The following AGO1 variants were observed in gnomAD, a reference collection of about 807,000 sequenced individuals.
The protein encoded by AGO1 is argonaute RISC component 1, also known as protein argonaute-1.
Under a neutral mutation model 109.2 loss-of-function variants are expected in AGO1, and 11 were observed. That is an observed-to-expected ratio of 0.10 (90% confidence interval 0.06 to 0.17). The LOEUF is 0.17. AGO1 is among the 10% of genes least tolerant of loss of function. AGO1 has a pLI of 1.00. For missense variants in AGO1, 574 were observed against 1,140.3 expected, an observed-to-expected ratio of 0.50 and a Z score of 7.15; for synonymous variants, 422 against 418.6, an observed-to-expected ratio of 1.01 and a Z score of -0.10.
rs1420464265 is a variant in AGO1 at position 35,929,966 on chromosome 1, G to A, written c.*10359G>A. 2 of 152,024 alleles carry A rather than the reference G, an allele frequency of 1.3e-5. No individual in the cohort carries two copies. Among genetic ancestry groups the A allele is most frequent in the African/African-American group, 4.8e-5 (2 of 41,382 alleles). The allele number at this position is 152,024 out of a possible 1,614,324, so 9.4% of individuals were successfully genotyped here. A position where few individuals can be genotyped will look rare whatever the true frequency, so the allele number is the denominator to read the frequency against. On this transcript the variant is annotated 3_prime_UTR_variant, in exon 19 of 19. Transcript: ENST00000373204. ...CCCACAGTGAGGGGAACTGAAGATA[G>A]GATATTCTTTCTCCTTTTCCTCTTT... is the stretch of plus-strand genomic sequence containing the variant.
At chr1:35,912,935 A>G (rs1032843619) in intron 12 of AGO1, among the ~76,000 whole-genome samples, 1 of 150,902 alleles carries the variant, frequency 6.6e-6, no homozygotes, top group African/African-American at 2.5e-5. Flanking sequence ...CTTTTCCCTT[A>G]CTCACACATG....
upstream of AGO1, among the ~76,000 whole-genome samples, chr1:35,878,836 A>G (rs1645012331): frequency 6.6e-6 from 1 of 151,768 alleles, no homozygotes; most frequent in Admixed American, 6.6e-5. Context: ...ATTTTTTTGA[A>G]TCCTTTTACT....
chr1:35,883,573 C>T lies in AGO1; in HGVS notation c.25+127C>T. Reference sequence around the variant, plus strand: ...GAAGGGCTCTCCCACGATGGGGGCCCAGTTTGAAGGAGGCTGTGTGCAGTT... The same window carrying T: ...GAAGGGCTCTCCCACGATGGGGGCCTAGTTTGAAGGAGGCTGTGTGCAGTT... On this transcript the variant is annotated intron_variant, in intron 1 of 18. Transcript: ENST00000373204. The surrounding 1 kb of genome is among the most constrained non-coding windows in gnomAD (Gnocchi z 5.4). 1.5e-6 allele frequency: 2 copies of T among 1,347,712 alleles called. No individual in the cohort carries two copies. Among genetic ancestry groups the T allele is most frequent in the Non-Finnish European group, 1.9e-6 (2 of 1,033,400 alleles). 83.5% of individuals were successfully genotyped at this position (1,347,712 alleles called of 1,614,324 possible).
intron 11 of AGO1, 97 bp from the exon 12 acceptor site, chr1:35,906,837 GT>G (rs1258866480): frequency 3.2e-6 from 3 of 932,090 alleles, no homozygotes; most frequent in East Asian, 2.7e-5. Flanking sequence ...CAATCTCTCA[GT>G]GCCTCTTATA....
At chr1:35,869,908 G>A (rs1332879767) in intron 1 of AGO1, 1 of 152,238 alleles carries the variant, frequency 6.6e-6, no homozygotes, top group Non-Finnish European at 1.5e-5. Flanking sequence ...ATTCAGGCAA[G>A]TAATTTAATC....
Position 35,919,264 on chromosome 1 carries a change from G to A in AGO1, c.2465+10G>A, listed in dbSNP as rs769164550. On this transcript the variant is annotated intron_variant, in intron 18 of 18. Coordinates refer to ENST00000373204, the MANE Select transcript of AGO1 (RefSeq NM_012199.5). The surrounding 1 kb of genome is among the most constrained non-coding windows in gnomAD (Gnocchi z 6.6). ...ACAAGGAGCATGACAGGTGAGGCCT[G>A]GGATCAGGTTGGCCTCCTTTTTGCT... 2 of 1,611,312 alleles carry A rather than the reference G, an allele frequency of 1.2e-6. No homozygotes were observed. Among genetic ancestry groups the A allele is most frequent in the African/African-American group, 2.7e-5 (2 of 74,890 alleles).
At position 35,920,625 on chromosome 1, in the gene AGO1, T is replaced by C. The variant is rs1034039916; in HGVS notation, c.*1018T>C. 6.6e-6 allele frequency: 1 copy of C among 152,606 alleles called. No homozygotes were observed. Among genetic ancestry groups the C allele is most frequent in the Non-Finnish European group, 1.5e-5 (1 of 68,054 alleles). The allele number at this position is 152,606 out of a possible 1,614,324, so 9.5% of individuals were successfully genotyped here. On this transcript the variant is annotated 3_prime_UTR_variant, in exon 19 of 19. Coordinates refer to ENST00000373204, the MANE Select transcript of AGO1 (RefSeq NM_012199.5). The stretch of plus-strand genomic sequence containing the variant: ...CATTTGCACTTTCAAACATGACAAG[T>C]CTCGGAGCTGCTGAGATGACAGGCC...
At chr1:35,889,183 CTTTTT>C (rs35255117) in intron 2 of AGO1, among the ~76,000 whole-genome samples, 50 of 113,412 alleles carry the variant, frequency 4.4e-4, no homozygotes, top group African/African-American at 1.6e-3. Flanking sequence ...GTGATATTTC[CTTTTT>C]TTTTTTTTTT....
rs550200169 is a variant in AGO1 at position 35,893,483 on chromosome 1, C to T, written c.513-191C>T. ...CTTCTTAGATATCTTTGGGCCTCAT[C>T]CCATCTGTCCCTGCAGGGCAGAGAG... is the stretch of plus-strand genomic sequence containing the variant. On this transcript the variant is annotated intron_variant, in intron 4 of 18. Transcript: ENST00000373204. The surrounding 1 kb of genome is among the most constrained non-coding windows in gnomAD (Gnocchi z 5.6). The T allele has an allele frequency of 6.4e-5, 51 of 795,304 alleles. 1 individual carries two copies. The South Asian group carries it at 9.3e-4, about 14-fold the overall frequency. The allele number at this position is 795,304 out of a possible 1,614,324, so 49.3% of individuals were successfully genotyped here.
At chr1:35,909,064 C>T (rs551779292) in intron 12 of AGO1, among the ~76,000 whole-genome samples, 31 of 152,170 alleles carry the variant, frequency 2.0e-4, no homozygotes, top group Middle Eastern at 3.4e-3. Context: ...GTGATCTGCC[C>T]GCCTCGGCCT....
In AGO1 at chr1:35,906,991, G is replaced by A; in HGVS notation, c.1454G>A (p.Gly485Asp). 1 of 1,614,094 alleles carries A rather than the reference G, an allele frequency of 6.2e-7. No individual in the cohort carries two copies. The highest frequency in any genetic ancestry group is 8.5e-7 in the Non-Finnish European group (1 of 1,180,004). Residue 485 changes from glycine to aspartate, a missense_variant, in exon 12 of 19, where the codon GGT (glycine) becomes GAT (aspartate). This residue lies in a region of AGO1 where 68 missense variants were observed against 200.2 expected (regional missense o/e 0.34). Coordinates refer to ENST00000373204, the MANE Select transcript of AGO1 (RefSeq NM_012199.5). ...ISKDAGMPIQ[G>D]QPCFCKYAQG... ...AAGGATGCGGGGATGCCTATCCAGGGTCAACCTTGTTTCTGCAAATATGCA... is the reference window on the plus strand; with the variant it reads ...AAGGATGCGGGGATGCCTATCCAGGATCAACCTTGTTTCTGCAAATATGCA...
At chr1:35,906,652 GA>G (rs1645524777) in intron 11 of AGO1, among the ~76,000 whole-genome samples, 1 of 151,370 alleles carries the variant, frequency 6.6e-6, no homozygotes, top group Admixed American at 6.6e-5. Context: ...CTACCAAAAA[GA>G]AAAAAAATTA....
In AGO1 at chr1:35,888,700, A is replaced by C. The variant is rs1217407896; in HGVS notation, c.209+90A>C. ...GGTAAAAGAAAAACCAGTAGAGGGT[A>C]GTATCACCAAATCTAAGGAAGTTTT... On this transcript the variant is annotated intron_variant, in intron 2 of 18. Transcript: ENST00000373204. This position sits in a 1 kb window ranked among gnomAD's most constrained non-coding sequence, Gnocchi z 4.1. The C allele has an allele frequency of 7.0e-7, 1 of 1,424,306 alleles. No homozygotes were observed. 88.2% of individuals were successfully genotyped at this position (1,424,306 alleles called of 1,614,324 possible).
At position 35,893,870 on chromosome 1, in the gene AGO1, C is replaced by G; in HGVS notation, c.649+60C>G. ...CAAGTCCAGTGACCACACTCCCAGC[C>G]TCATCCCTCCCAGCTCTGCAACCAC... On this transcript the variant is annotated intron_variant, in intron 5 of 18. Coordinates refer to ENST00000373204, the MANE Select transcript of AGO1 (RefSeq NM_012199.5). The surrounding 1 kb of genome is among the most constrained non-coding windows in gnomAD (Gnocchi z 5.6). 6.4e-7 allele frequency: 1 copy of G among 1,571,166 alleles called. No homozygotes were observed. The highest frequency in any genetic ancestry group is 8.7e-7 in the Non-Finnish European group (1 of 1,154,562).
At chr1:35,873,724 C>T (rs561082890) in intron 1 of AGO1, 16 of 152,810 alleles carry the variant, frequency 1.0e-4, no homozygotes, top group African/African-American at 3.8e-4. Context: ...TTTCCTAGAT[C>T]AAAGTGATGT....
intron 14 of AGO1, among the ~76,000 whole-genome samples, chr1:35,915,038 C>G (rs1198321411): frequency 6.6e-6 from 1 of 152,146 alleles, no homozygotes; most frequent in Non-Finnish European, 1.5e-5. Flanking sequence ...ACATGCTCCT[C>G]TGCAAAGGGG....
rs1645890662 is a variant in AGO1 at position 35,924,478 on chromosome 1, G to T, written c.*4871G>T. 6.6e-6 allele frequency: 1 copy of T among 152,218 alleles called. No homozygotes were observed. The highest frequency in any genetic ancestry group is 2.4e-5 in the African/African-American group (1 of 41,452). The allele number at this position is 152,218 out of a possible 1,614,324, so 9.4% of individuals were successfully genotyped here. ...AGCACTGTGCCAGCAGTATTGTGGG[G>T]AGGGGAGGCACAATTCAAAATGAGG... is the stretch of plus-strand genomic sequence containing the variant. On this transcript the variant is annotated 3_prime_UTR_variant, in exon 19 of 19. Transcript: ENST00000373204.
chr1:35,872,116 A>G (rs1185910722), intron 1 of AGO1, among the ~76,000 whole-genome samples: 1 of 150,946 alleles, frequency 6.6e-6, no homozygotes, highest in African/African-American at 2.4e-5. Flanking sequence ...TTCCTTGAAC[A>G]TTTGGCAGAA....
intron 3 of AGO1, among the ~76,000 whole-genome samples, chr1:35,892,895 T>G (rs1557606286): frequency 2.6e-5 from 4 of 152,210 alleles, no homozygotes; most frequent in Admixed American, 6.5e-5. Flanking sequence ...ACCTAAGGGC[T>G]TCCTGCTAGG....
Sources: allele counts gnomAD v4.1 joint callset (sites outside exome capture counted in the v4.1 genomes callset), GRCh38; gene constraint gnomAD v4.1.1; regional missense constraint gnomAD v4.1.1; non-coding constraint Gnocchi (gnomAD v3.1); transcripts MANE v1.5; gene names NCBI Gene and HGNC (gene_info 2026-07-23, HGNC 2026-07-21).